The following ACIN1 variants were observed in gnomAD, a reference collection of about 807,000 sequenced individuals.
ACIN1 encodes apoptotic chromatin condensation inducer 1.
ACIN1 carries 16 observed loss-of-function variants against 146.6 expected under a neutral mutation model. That is an observed-to-expected ratio of 0.11 (90% CI 0.07 to 0.17). ACIN1 has a LOEUF of 0.17. Ranked by LOEUF, ACIN1 falls within the 10% of genes least tolerant of loss-of-function variation. The pLI is 1.00. For missense variants in ACIN1, 1,357 were observed against 1,609.3 expected (o/e 0.84, Z 2.68); for synonymous variants, 569 against 582.7 (o/e 0.98, Z 0.34).
intron 5 of ACIN1, 105 bp downstream of exon 5, chr14:23,081,643 A>G: frequency 1.9e-6 from 2 of 1,027,974 alleles, no homozygotes; most frequent in Non-Finnish European, 1.4e-6. Context: ...AAAGAAAAAC[A>G]AAACCCCTAA....
In ACIN1 at chr14:23,079,821, G is replaced by T; in HGVS notation, c.1514C>A (p.Thr505Asn). The change falls in exon 6 of 19, where the codon ACC becomes AAC. Residue 505 changes from threonine (T) to asparagine (N), a missense_variant. By Grantham distance (65) the Thr-to-Asn change is moderately conservative. Transcript: ENST00000605057. ...EQKEGRRASH[T>N]LLPSHRLKQS... is the part of the protein sequence containing the mutation. ...TTTCAATCTGTGGCTTGGGAGAAGGGTATGAGAAGCTCTTCTGCCTTCCTT... is the reference window on the plus strand; with the variant it reads ...TTTCAATCTGTGGCTTGGGAGAAGGTTATGAGAAGCTCTTCTGCCTTCCTT... 2 of 1,614,182 alleles carry T rather than the reference G, an allele frequency of 1.2e-6. No homozygotes were observed.
chr14:23,059,802 C>T (rs865940843), intron 18 of ACIN1, among the ~76,000 whole-genome samples: 3 of 151,616 alleles, frequency 2.0e-5, no homozygotes, highest in Non-Finnish European at 4.4e-5. Context: ...CACAGGCGCC[C>T]GCGACCACGC....
At chr14:23,069,066 G>A in intron 9 of ACIN1, 1 of 989,468 alleles carries the variant, frequency 1.0e-6, no homozygotes, top group South Asian at 4.7e-5. Context: ...TGGCTGGTCT[G>A]GTGAGAACCA....
intron 4 of ACIN1, 87 bp from the exon 5 acceptor site, chr14:23,081,923 C>A (rs2047953397): frequency 1.0e-6 from 1 of 994,376 alleles, no homozygotes; most frequent in East Asian, 2.4e-5. Flanking sequence ...AATATCCAAC[C>A]AATTATAGCA....
intron 1 of ACIN1, chr14:23,094,576 C>G (rs1325446389): frequency 2.0e-6 from 2 of 979,200 alleles, no homozygotes; most frequent in Non-Finnish European, 2.4e-6. Flanking sequence ...CACCCCTTCG[C>G]GCAACTATAC....
intron 8 of ACIN1, among the ~76,000 whole-genome samples, chr14:23,072,439 G>A (rs2047686734): frequency 6.6e-6 from 1 of 152,170 alleles, no homozygotes; most frequent in African/African-American, 2.4e-5. Context: ...AAGTGAGAGT[G>A]CTGCTATATG....
chr14:23,072,204 C>CT (rs1207887362), intron 8 of ACIN1, among the ~76,000 whole-genome samples: 1 of 152,082 alleles, frequency 6.6e-6, no homozygotes, highest in Non-Finnish European at 1.5e-5. Flanking sequence ...AGGGAGAGTT[C>CT]TTTTTTCAAA....
At chr14:23,095,236 C>T (rs765660590), upstream of ACIN1, 11 of 1,611,144 alleles carry the variant, frequency 6.8e-6, no homozygotes, top group Non-Finnish European at 9.3e-6. Flanking sequence ...GATTACCACT[C>T]AGAACTCCCC....
At chr14:23,086,905 T>G (rs2140211515) in intron 4 of ACIN1, among the ~76,000 whole-genome samples, 1 of 152,298 alleles carries the variant, frequency 6.6e-6, no homozygotes, top group East Asian at 1.9e-4. Flanking sequence ...ATTCATAAAA[T>G]GAATTGGTCA....
chr14:23,059,241 T>TTCTCGGTCCCTTTCCCTATCCCGA lies in ACIN1; in HGVS notation c.3735_3758dup (p.Asp1245_Arg1252dup), dbSNP rs776313033. 5 of 1,613,762 alleles carry TTCTCGGTCCCTTTCCCTATCCCGA rather than the reference T, an allele frequency of 3.1e-6. No individual in the cohort carries two copies. The South Asian group carries it at 5.5e-5, about 18-fold the overall frequency. On this transcript the variant is annotated inframe_insertion, in exon 19 of 19. Transcript: ENST00000605057. ...CCCTGCGATCCCTTTCCCTGCCTCG[T>TTCTCGGTCCCTTTCCCTATCCCGA]TCTCGGTCCCTTTCCCTATCCCGAT...
intron 5 of ACIN1, 51 bp downstream of exon 5, chr14:23,081,697 A>G: frequency 7.0e-7 from 1 of 1,434,438 alleles, no homozygotes; most frequent in Admixed American, 2.1e-5. Context: ...AGAAGAGAAG[A>G]TATCCAAAGC....
chr14:23,071,237 TAAAG>T (rs1026705554), intron 8 of ACIN1: 12 of 1,509,098 alleles, frequency 8.0e-6, no homozygotes, highest in African/African-American at 5.8e-5. Flanking sequence ...CTAAAAAAAA[TAAAG>T]AAAAAAAACC....
intron 18 of ACIN1, 88 bp from the exon 19 acceptor site, chr14:23,059,562 G>T (rs2047200483): frequency 6.6e-6 from 7 of 1,055,630 alleles, no homozygotes; most frequent in Non-Finnish European, 1.0e-5. Context: ...CCTAGCTCAG[G>T]GTCAGCTTTT....
At chr14:23,070,216 G>A (rs1374456303) in intron 8 of ACIN1, among the ~76,000 whole-genome samples, 2 of 148,972 alleles carry the variant, frequency 1.3e-5, no homozygotes, top group Non-Finnish European at 3.0e-5. Context: ...GGGGTGCGGG[G>A]CGGGGGGTGG....
At chr14:23,092,378 CG>C (rs35118760) in intron 2 of ACIN1, among the ~76,000 whole-genome samples, 97,955 of 152,032 alleles carry the variant, frequency 0.64, 33,556 homozygotes, top group East Asian at 0.78. Flanking sequence ...TGCACAAACC[CG>C]GTGTTAATAA....
chr14:23,078,748 T>A, intron 7 of ACIN1, 72 bp downstream of exon 7: 1 of 1,491,200 alleles, frequency 6.7e-7, no homozygotes, highest in Non-Finnish European at 9.1e-7. Context: ...TTTTTAGTTT[T>A]ATAGCAAAGA....
chr14:23,074,659 G>GT (rs2047753438), intron 8 of ACIN1, among the ~76,000 whole-genome samples: 1 of 152,158 alleles, frequency 6.6e-6, no homozygotes, highest in African/African-American at 2.4e-5. Flanking sequence ...TGTTAACCAT[G>GT]TGTCAGAGCC....
intron 4 of ACIN1, among the ~76,000 whole-genome samples, chr14:23,083,953 T>A (rs1467913279): frequency 6.6e-6 from 1 of 151,894 alleles, no homozygotes; most frequent in Non-Finnish European, 1.5e-5. Flanking sequence ...CTCTCTTATT[T>A]TTTTTTTTTT....
intron 1 of ACIN1, among the ~76,000 whole-genome samples, chr14:23,094,145 T>C (rs1258521582): frequency 1.0e-5 from 1 of 96,162 alleles, no homozygotes; most frequent in East Asian, 3.6e-4. Flanking sequence ...CACAAAACTA[T>C]CAGCTTCTGT....
Sources: gnomAD v4.1 joint callset for allele counts (sites outside exome capture counted in the v4.1 genomes callset) on GRCh38, gnomAD v4.1.1 for gene constraint, MANE v1.5 for transcripts, NCBI Gene and HGNC (gene_info 2026-07-23, HGNC 2026-07-21) for gene names.